The following PDE4D variants were observed in gnomAD, a reference collection of about 807,000 sequenced individuals.
PDE4D encodes the protein 3',5'-cyclic-AMP phosphodiesterase 4D.
PDE4D carries 24 observed loss-of-function variants against 87.4 expected under a neutral mutation model. That is an observed-to-expected ratio of 0.27 (90% CI 0.20 to 0.39). The LOEUF (loss-of-function observed/expected upper bound fraction) is 0.39. Ranked by LOEUF, PDE4D falls within the 10% of genes least tolerant of loss-of-function variation. The probability of loss-of-function intolerance (pLI) is 1.00; values close to 1 mark genes in which losing one functional copy is unlikely to be tolerated. For synonymous variants in PDE4D, 384 were observed against 383.2 expected (o/e 1.00, Z -0.02); for missense variants, 714 against 1,041.0 (o/e 0.69, Z 4.32).
Position 60,460,390 on chromosome 5 carries a change from T to C in PDE4D, c.-90+27552A>G, listed in dbSNP as rs1481698305. ...TGTCATTTCAACTCTGCTCAAATAA[T>C]GCAGTGCCTCTTCATCCTCCTCCAG... On this transcript the variant is annotated intron_variant, in intron 1 of 16. Transcript: ENST00000502484. 2.8e-5 allele frequency: 29 copies of C among 1,035,056 alleles called. 1 individual carries two copies. In the South Asian group the frequency reaches 3.3e-4, roughly 12 times the overall value. The allele number at this position is 1,035,056 out of a possible 1,614,324, so 64.1% of individuals were successfully genotyped here.
chr5:59,762,107 T>C (rs1268459911), intron 1 of PDE4D, among the ~76,000 whole-genome samples: 2 of 151,970 alleles, frequency 1.3e-5, no homozygotes, highest in Non-Finnish European at 2.9e-5. Flanking sequence ...CAGGTATATA[T>C]ATATGTGTGT....
chr5:60,212,469 T>C (rs1583091613), intron 1 of PDE4D, among the ~76,000 whole-genome samples: 1 of 152,326 alleles, frequency 6.6e-6, no homozygotes, highest in African/African-American at 2.4e-5. Flanking sequence ...CCAATCAATC[T>C]CTTCCCTAAG....
chr5:60,281,197 T>C (rs1386232626), intron 1 of PDE4D, among the ~76,000 whole-genome samples: 2 of 152,106 alleles, frequency 1.3e-5, no homozygotes, highest in Non-Finnish European at 2.9e-5. Flanking sequence ...GAGCTAAGTC[T>C]ACCCCTCCCT....
chr5:59,296,498 C>T (rs934947407), intron 1 of PDE4D, among the ~76,000 whole-genome samples: 7 of 152,078 alleles, frequency 4.6e-5, no homozygotes, highest in South Asian at 2.1e-4. Context: ...AATTTTGTTA[C>T]ATAAGCCAGA....
At chr5:59,872,583 G>A (rs1289539447) in intron 1 of PDE4D, among the ~76,000 whole-genome samples, 1 of 152,118 alleles carries the variant, frequency 6.6e-6, no homozygotes, top group African/African-American at 2.4e-5. Flanking sequence ...CATAGTAATG[G>A]TTCAATTGAA....
intron 1 of PDE4D, among the ~76,000 whole-genome samples, chr5:60,477,024 T>C (rs1251462047): frequency 6.6e-6 from 1 of 152,142 alleles, no homozygotes; most frequent in Admixed American, 6.5e-5. Flanking sequence ...TGAAGGTATG[T>C]GTGACTGGGC....
At chr5:59,272,946 T>C (rs941150861) in intron 1 of PDE4D, among the ~76,000 whole-genome samples, 1 of 152,082 alleles carries the variant, frequency 6.6e-6, no homozygotes, top group African/African-American at 2.4e-5. Flanking sequence ...TACAACAAAC[T>C]TCCAAACGTA....
At chr5:59,009,064 C>T (rs1185823193) in intron 6 of PDE4D, among the ~76,000 whole-genome samples, 4 of 152,060 alleles carry the variant, frequency 2.6e-5, no homozygotes, top group African/African-American at 7.2e-5. Context: ...ATACAAAATA[C>T]AAACAATACA....
At chr5:59,402,925 T>G (rs905423516) in intron 1 of PDE4D, among the ~76,000 whole-genome samples, 2 of 152,150 alleles carry the variant, frequency 1.3e-5, no homozygotes, top group African/African-American at 4.8e-5. Flanking sequence ...AAACATTCAG[T>G]GTTCTATTGT....
In PDE4D at chr5:59,668,833, G is replaced by GAA. The variant is rs1561441084; in HGVS notation, c.455+224334_455+224335insTT. 1.5e-3 allele frequency among the ~76,000 whole-genome samples: 79 copies of GAA among 54,046 alleles called. 2 individuals carry two copies. The highest frequency in any genetic ancestry group is 5.6e-3 in the African/African-American group (71 of 12,772). 35.5% of individuals were successfully genotyped at this position (54,046 alleles called of 152,430 possible). A position where few individuals can be genotyped will look rare whatever the true frequency, so the allele number is the denominator to read the frequency against. Reference sequence around the variant, plus strand: ...AAGAAGAAGAAGAAGAAGAAGAAGAGGAAGAGGAAGAGGAAGAAGAAGAAG... The same window carrying GAA: ...AAGAAGAAGAAGAAGAAGAAGAAGAGAAGAAGAGGAAGAGGAAGAAGAAGAAG... On this transcript the variant is annotated intron_variant, in intron 1 of 14. Coordinates refer to ENST00000340635, the MANE Select transcript of PDE4D (RefSeq NM_001104631.2).
At chr5:60,116,409 C>G (rs1263876330) in intron 2 of PDE4D, among the ~76,000 whole-genome samples, 2 of 152,010 alleles carry the variant, frequency 1.3e-5, no homozygotes, top group Admixed American at 6.6e-5. Flanking sequence ...CCTACTGACA[C>G]CCCCCATTGC....
At chr5:60,466,488 A>ATC (rs1186011568) in intron 1 of PDE4D, among the ~76,000 whole-genome samples, 6 of 152,204 alleles carry the variant, frequency 3.9e-5, no homozygotes, top group Non-Finnish European at 8.8e-5. Flanking sequence ...GGCTCTATTA[A>ATC]TCTCTCTCTG....
intron 11 of PDE4D, among the ~76,000 whole-genome samples, chr5:58,987,350 A>G (rs1485423949): frequency 2.0e-5 from 3 of 152,218 alleles, no homozygotes; most frequent in African/African-American, 7.2e-5. Context: ...GTAAAAAAAT[A>G]CTTGACTAAC....
chr5:60,462,954 G>C (rs1747072949), intron 1 of PDE4D, among the ~76,000 whole-genome samples: 1 of 152,170 alleles, frequency 6.6e-6, no homozygotes, highest in African/African-American at 2.4e-5. Flanking sequence ...TTCCTACAAA[G>C]TTTGCTCAAT....
intron 1 of PDE4D, among the ~76,000 whole-genome samples, chr5:60,355,626 C>G (rs375820655): frequency 9.3e-4 from 141 of 152,196 alleles, no homozygotes; most frequent in Middle Eastern, 3.4e-3. Flanking sequence ...TCCCAAAAAA[C>G]TTAACTACTA....
chr5:60,249,820 C>T (rs1748223915), intron 1 of PDE4D, among the ~76,000 whole-genome samples: 1 of 151,880 alleles, frequency 6.6e-6, no homozygotes, highest in South Asian at 2.1e-4. Context: ...AAGCAGAAAC[C>T]ACACATAACA....
chr5:59,494,147 T>C (rs1806713536), intron 1 of PDE4D, among the ~76,000 whole-genome samples: 2 of 152,218 alleles, frequency 1.3e-5, no homozygotes, highest in African/African-American at 4.8e-5. Context: ...TGTAATGCTT[T>C]GGGTGTTGCT....
chr5:59,724,744 TGAG>T (rs1260977760), intron 1 of PDE4D, among the ~76,000 whole-genome samples: 3 of 152,084 alleles, frequency 2.0e-5, no homozygotes, highest in African/African-American at 4.8e-5. Context: ...AATGTCAGGC[TGAG>T]GAGAATTTTG....
intron 1 of PDE4D, among the ~76,000 whole-genome samples, chr5:59,596,146 T>A (rs1301850380): frequency 1.3e-5 from 2 of 151,662 alleles, no homozygotes; most frequent in Middle Eastern, 3.2e-3. Flanking sequence ...TGCACATATA[T>A]AATTACACAT....
Sources: gnomAD v4.1 joint callset for allele counts (sites outside exome capture counted in the v4.1 genomes callset) on GRCh38, gnomAD v4.1.1 for gene constraint, MANE v1.5 for transcripts, NCBI Gene and HGNC (gene_info 2026-07-23, HGNC 2026-07-21) for gene names.